DIAPH3: variants seen among roughly 807,000 people sequenced by gnomAD.
DIAPH3 encodes diaphanous related formin 3, also known as protein diaphanous homolog 3.
A neutral mutation model predicts 144.3 loss-of-function variants in DIAPH3; 117 were observed. The ratio of observed to expected loss-of-function variants is 0.81; its 90% confidence interval spans 0.70 to 0.95. The LOEUF (loss-of-function observed/expected upper bound fraction) is 0.95. DIAPH3 is among the 40% of genes least tolerant of loss of function. The probability of loss-of-function intolerance (pLI) is 0.00; values close to 1 mark genes in which losing one functional copy is unlikely to be tolerated. For missense variants in DIAPH3, 1,421 were observed against 1,412.7 expected (o/e 1.01, Z -0.09); for synonymous variants, 519 against 488.9 (o/e 1.06, Z -0.81).
intron 27 of DIAPH3, among the ~76,000 whole-genome samples, chr13:59,687,977 T>G (rs185245459): frequency 6.6e-6 from 1 of 152,190 alleles, no homozygotes; most frequent in Non-Finnish European, 1.5e-5. Context: ...AACAAAAGAT[T>G]GTATTGAAGC....
chr13:59,836,359 T>A (rs2042044332), intron 23 of DIAPH3, among the ~76,000 whole-genome samples: 1 of 151,856 alleles, frequency 6.6e-6, no homozygotes, highest in African/African-American at 2.4e-5. Flanking sequence ...GTAACAATAC[T>A]GATATACATT....
intron 27 of DIAPH3, among the ~76,000 whole-genome samples, chr13:59,720,980 C>T (rs988956183): frequency 2.6e-5 from 4 of 152,060 alleles, no homozygotes; most frequent in Admixed American, 6.6e-5. Context: ...GCCTAATTTC[C>T]ATGATTTTTA....
chr13:60,126,677 G>A (rs2058999782), intron 2 of DIAPH3, among the ~76,000 whole-genome samples: 1 of 151,954 alleles, frequency 6.6e-6, no homozygotes, highest in South Asian at 2.1e-4. Flanking sequence ...AAATCAGAAA[G>A]GACAGAATTC....
chr13:59,686,768 AT>A (rs2033238287), intron 27 of DIAPH3, among the ~76,000 whole-genome samples: 1 of 152,054 alleles, frequency 6.6e-6, no homozygotes, highest in Non-Finnish European at 1.5e-5. Flanking sequence ...GGGTAAGAAC[AT>A]TCTAAAGCAG....
intron 17 of DIAPH3, 109 bp from the exon 18 acceptor site, chr13:59,924,979 T>C: frequency 1.4e-6 from 2 of 1,461,716 alleles, no homozygotes; most frequent in Non-Finnish European, 1.8e-6. Context: ...GTAACTCTTC[T>C]AAATAAAAGT....
intron 2 of DIAPH3, among the ~76,000 whole-genome samples, chr13:60,114,222 T>G (rs1200911332): frequency 6.9e-6 from 1 of 144,276 alleles, no homozygotes; most frequent in Non-Finnish European, 1.5e-5. Flanking sequence ...TAATGAAGAG[T>G]GGACATTACA....
At chr13:59,667,107 C>T (rs963452362) in intron 27 of DIAPH3, among the ~76,000 whole-genome samples, 6 of 152,178 alleles carry the variant, frequency 3.9e-5, no homozygotes, top group Admixed American at 6.5e-5. Flanking sequence ...ATGCCTGTCA[C>T]GTGGTTATTA....
chr13:59,859,909 G>T (rs2043481933), intron 22 of DIAPH3, among the ~76,000 whole-genome samples: 2 of 152,076 alleles, frequency 1.3e-5, no homozygotes, highest in South Asian at 4.1e-4. Flanking sequence ...TATATGGGAA[G>T]ATTCTTCTTA....
chr13:60,001,556 T>C (rs2052530782), intron 9 of DIAPH3, among the ~76,000 whole-genome samples: 1 of 152,232 alleles, frequency 6.6e-6, no homozygotes, highest in Non-Finnish European at 1.5e-5. Flanking sequence ...TGCCACCCTG[T>C]AGTCCCTTAA....
In DIAPH3 at chr13:60,042,291, C is replaced by T. The variant is rs148983648; in HGVS notation, c.626+399G>A. 5.0e-3 allele frequency among the ~76,000 whole-genome samples: 754 copies of T among 152,214 alleles called. 3 individuals carry two copies. The highest frequency in any genetic ancestry group is 8.6e-3 in the Non-Finnish European group (588 of 68,004). Reference sequence around the variant, plus strand: ...AATACTAACCTATAGGCCCCTACAACGACATCATTTCCAACAACAGAAAAA... The same window carrying T: ...AATACTAACCTATAGGCCCCTACAATGACATCATTTCCAACAACAGAAAAA... On this transcript the variant is annotated intron_variant, in intron 5 of 27. Coordinates refer to ENST00000400324, the MANE Select transcript of DIAPH3 (RefSeq NM_001042517.2).
At chr13:59,753,145 A>C (rs1464405074) in intron 27 of DIAPH3, among the ~76,000 whole-genome samples, 7 of 152,220 alleles carry the variant, frequency 4.6e-5, no homozygotes, top group Non-Finnish European at 1.0e-4. Context: ...TAAAGAACAA[A>C]AGCAGAAATA....
At chr13:59,998,458 C>T (rs2052337023) in intron 9 of DIAPH3, among the ~76,000 whole-genome samples, 1 of 152,114 alleles carries the variant, frequency 6.6e-6, no homozygotes, top group Non-Finnish European at 1.5e-5. Context: ...ACCTAGCAGT[C>T]ACTGAATAAC....
chr13:60,073,030 C>T (rs898091471), intron 4 of DIAPH3, among the ~76,000 whole-genome samples: 6 of 152,000 alleles, frequency 3.9e-5, no homozygotes, highest in Non-Finnish European at 7.4e-5. Context: ...AAATATAGGC[C>T]GGGCACAGTG....
chr13:59,959,312 T>C (rs753918352), intron 17 of DIAPH3, among the ~76,000 whole-genome samples: 1 of 152,202 alleles, frequency 6.6e-6, no homozygotes, highest in African/African-American at 2.4e-5. Context: ...TTCATTTAAC[T>C]GTGAAATAAG....
intron 4 of DIAPH3, among the ~76,000 whole-genome samples, chr13:60,058,071 A>G (rs561385239): frequency 6.6e-6 from 1 of 152,074 alleles, no homozygotes; most frequent in Non-Finnish European, 1.5e-5. Context: ...AAGCTTCTGC[A>G]TAACAAAAGA....
intron 17 of DIAPH3, among the ~76,000 whole-genome samples, chr13:59,933,350 A>G (rs759335442): frequency 2.0e-5 from 3 of 152,192 alleles, no homozygotes; most frequent in Non-Finnish European, 2.9e-5. Context: ...ATGAAATGAG[A>G]TGATAAATAC....
At position 60,087,213 on chromosome 13, in the gene DIAPH3, T is replaced by C. The variant is rs369674091; in HGVS notation, c.495+6415A>G. 2.6e-5 allele frequency among the ~76,000 whole-genome samples: 4 copies of C among 152,222 alleles called. No individual in the cohort carries two copies. The South Asian group carries it at 6.2e-4, about 24-fold the overall frequency. ...AATTCATGGATGCAAAACCAACCCATGGATACAGAGGTTCGACTGTATACA... is the reference window on the plus strand; with the variant it reads ...AATTCATGGATGCAAAACCAACCCACGGATACAGAGGTTCGACTGTATACA... On this transcript the variant is annotated intron_variant, in intron 4 of 27. Transcript: ENST00000400324.
At chr13:60,084,021 GAT>G (rs1468649137) in intron 4 of DIAPH3, among the ~76,000 whole-genome samples, 2 of 151,060 alleles carry the variant, frequency 1.3e-5, no homozygotes, top group African/African-American at 4.9e-5. Context: ...TAGATAGATA[GAT>G]AGATAGATAG....
intron 25 of DIAPH3, among the ~76,000 whole-genome samples, chr13:59,803,925 G>A (rs1443071213): frequency 2.0e-5 from 3 of 152,120 alleles, no homozygotes; most frequent in African/African-American, 4.8e-5. Context: ...GGAAAAAATT[G>A]TTACATGGTA....
Sources: gnomAD v4.1 joint callset for allele counts (sites outside exome capture counted in the v4.1 genomes callset) on GRCh38, gnomAD v4.1.1 for gene constraint, MANE v1.5 for transcripts, NCBI Gene and HGNC (gene_info 2026-07-23, HGNC 2026-07-21) for gene names.